CPEB3: variants seen among roughly 807,000 people sequenced by gnomAD.
The protein encoded by CPEB3 is cytoplasmic polyadenylation element-binding protein 3.
CPEB3 carries 20 observed loss-of-function variants against 67.2 expected under a neutral mutation model. That is an observed-to-expected ratio of 0.30 (90% CI 0.21 to 0.43). The LOEUF is 0.43. Ranked by LOEUF, CPEB3 falls within the 20% of genes least tolerant of loss-of-function variation. The probability of loss-of-function intolerance (pLI) is 1.00; values close to 1 mark genes in which losing one functional copy is unlikely to be tolerated. For missense variants in CPEB3, 746 were observed against 968.6 expected, an observed-to-expected ratio of 0.77 and a Z score of 3.05; for synonymous variants, 376 against 393.1, an observed-to-expected ratio of 0.96 and a Z score of 0.51.
At chr10:92,112,347 G>A (rs1844791975) in intron 6 of CPEB3, among the ~76,000 whole-genome samples, 1 of 151,986 alleles carries the variant, frequency 6.6e-6, no homozygotes, top group South Asian at 2.1e-4. Flanking sequence ...GTTTCACCAT[G>A]TTGGCCAGGC....
chr10:92,289,732 A>AAAAAAAAAAAAAAAAAAAAATATAT, intron 1 of CPEB3, among the ~76,000 whole-genome samples: 3 of 75,770 alleles, frequency 4.0e-5, no homozygotes, highest in Non-Finnish European at 7.7e-5. Flanking sequence ...AAAAAAAAAA[A>AAAAAAAAAAAAAAAAAAAAATATAT]ATATATATAT....
chr10:92,199,485 G>C (rs192347574), intron 2 of CPEB3, among the ~76,000 whole-genome samples: 165 of 151,526 alleles, frequency 1.1e-3, no homozygotes, highest in Non-Finnish European at 2.0e-3. Flanking sequence ...GAGGTCAGGA[G>C]TTCGAGACCA....
chr10:92,242,117 T>C (rs1171470977), intron 1 of CPEB3, among the ~76,000 whole-genome samples: 1 of 152,252 alleles, frequency 6.6e-6, no homozygotes, highest in African/African-American at 2.4e-5. Flanking sequence ...TATTAGAGAC[T>C]ATCATTAAAA....
intron 9 of CPEB3, among the ~76,000 whole-genome samples, chr10:92,080,827 C>T (rs1465989667): frequency 1.3e-5 from 2 of 152,092 alleles, no homozygotes; most frequent in African/African-American, 4.8e-5. Flanking sequence ...GTCTCGATCT[C>T]CTGATTCATG....
chr10:92,157,759 CT>C (rs1386822949), intron 4 of CPEB3, among the ~76,000 whole-genome samples: 1 of 151,976 alleles, frequency 6.6e-6, no homozygotes, highest in Non-Finnish European at 1.5e-5. Flanking sequence ...TATGTTTGGC[CT>C]TTATTTCCTC....
At chr10:92,155,628 T>C (rs919543420) in intron 4 of CPEB3, among the ~76,000 whole-genome samples, 10 of 152,354 alleles carry the variant, frequency 6.6e-5, no homozygotes, top group Admixed American at 6.5e-4. Flanking sequence ...CTTTTTTCAT[T>C]ACAGAAAGGC....
intron 6 of CPEB3, chr10:92,119,280 G>C: frequency 1.3e-6 from 2 of 1,539,456 alleles, no homozygotes; most frequent in South Asian, 2.2e-5. Flanking sequence ...AGATCCTTTT[G>C]CACTTTCAGA....
chr10:92,241,212 A>C (rs1851836350), intron 1 of CPEB3, among the ~76,000 whole-genome samples: 1 of 149,952 alleles, frequency 6.7e-6, no homozygotes, highest in Admixed American at 6.6e-5. Context: ...GCAGTGCTTC[A>C]GGTCTCAACA....
At chr10:92,153,127 TTATTC>T (rs759915341) in intron 4 of CPEB3, among the ~76,000 whole-genome samples, 3 of 152,344 alleles carry the variant, frequency 2.0e-5, no homozygotes, top group Admixed American at 6.5e-5. Context: ...CGTCCATGTT[TTATTC>T]TAGAATCATC....
chr10:92,118,048 T>C (rs1395474542), intron 6 of CPEB3, among the ~76,000 whole-genome samples: 5 of 152,232 alleles, frequency 3.3e-5, no homozygotes, highest in African/African-American at 1.2e-4. Context: ...CATCTAAAAA[T>C]GGCAAGATAA....
At chr10:92,230,342 C>A (rs1348775380) in intron 2 of CPEB3, among the ~76,000 whole-genome samples, 1 of 152,194 alleles carries the variant, frequency 6.6e-6, no homozygotes, top group Non-Finnish European at 1.5e-5. Flanking sequence ...CCTATGCATA[C>A]ATAATCAGTA....
Position 92,232,014 on chromosome 10 carries a change from C to T in CPEB3, c.1005+7332G>A, listed in dbSNP as rs1034762050. On this transcript the variant is annotated intron_variant, in intron 2 of 9. Transcript: ENST00000265997. Reference sequence around the variant, plus strand: ...GAATTATAGGTGTGAGCCACCACTCCCAGCCTCAAACTTTTCATATTGCAG... The same window carrying T: ...GAATTATAGGTGTGAGCCACCACTCTCAGCCTCAAACTTTTCATATTGCAG... Among the ~76,000 whole-genome samples the T allele has an allele frequency of 5.9e-5, 9 of 151,438 alleles. No individual in the cohort carries two copies. The East Asian group carries it at 1.2e-3, about 20-fold the overall frequency.
intron 6 of CPEB3, among the ~76,000 whole-genome samples, chr10:92,116,268 T>A (rs855709): frequency 0.013 from 1,863 of 144,020 alleles, 17 homozygotes; most frequent in African/African-American, 0.032. Context: ...AAAAAAAAAA[T>A]AATAATAATA....
intron 7 of CPEB3, among the ~76,000 whole-genome samples, chr10:92,104,677 C>T (rs897388286): frequency 5.3e-5 from 8 of 151,920 alleles, no homozygotes; most frequent in South Asian, 4.2e-4. Context: ...TGAGGCACCA[C>T]GCCCGGCTGG....
rs115131257 is a variant in CPEB3, at chr10:92,111,920, C to T, written c.1454-726G>A. ...CAATAAGCTGGTGTGCTTTTGCCTG[C>T]TATTTCTGATGATGGTGCTCTGCTT... On this transcript the variant is annotated intron_variant, in intron 6 of 9. Transcript: ENST00000265997. 6.7e-3 allele frequency among the ~76,000 whole-genome samples: 1,026 copies of T among 152,222 alleles called. 9 individuals carry two copies. The highest frequency in any genetic ancestry group is 0.024 in the African/African-American group (990 of 41,548).
chr10:92,260,902 C>T (rs1852769230), intron 1 of CPEB3, among the ~76,000 whole-genome samples: 1 of 152,182 alleles, frequency 6.6e-6, no homozygotes. Context: ...AGCCACTGCG[C>T]CTGGCCAATT....
intron 2 of CPEB3, among the ~76,000 whole-genome samples, chr10:92,208,281 A>G (rs910735066): frequency 3.3e-5 from 5 of 152,208 alleles, no homozygotes; most frequent in African/African-American, 1.2e-4. Context: ...TCAAGGCTAC[A>G]CATTTTACAA....
At chr10:92,087,628 C>T (rs1417161974) in intron 8 of CPEB3, among the ~76,000 whole-genome samples, 2 of 152,174 alleles carry the variant, frequency 1.3e-5, no homozygotes, top group Non-Finnish European at 2.9e-5. Flanking sequence ...CAGAGGAATA[C>T]TCATGTTAAT....
rs180990194 is a variant in CPEB3, at chr10:92,280,996, G to A, written c.-12+9930C>T. Among the ~76,000 whole-genome samples, 324 of 151,814 alleles carry A rather than the reference G, an allele frequency of 2.1e-3. 2 individuals are homozygous for A. The highest frequency in any genetic ancestry group is 7.3e-3 in the African/African-American group (303 of 41,450). The stretch of plus-strand genomic sequence containing the variant: ...ACTGGTCTCGAACTCCTGATCTCAG[G>A]TGATCCACCTGCCTCAGCCTCCCAA... On this transcript the variant is annotated intron_variant, in intron 1 of 9. Coordinates refer to ENST00000265997, the MANE Select transcript of CPEB3 (RefSeq NM_014912.5).
Sources: allele counts gnomAD v4.1 joint callset (sites outside exome capture counted in the v4.1 genomes callset), GRCh38; gene constraint gnomAD v4.1.1; transcripts MANE v1.5; gene names NCBI Gene and HGNC (gene_info 2026-07-23, HGNC 2026-07-21).